KCNJ6: variants seen among roughly 807,000 people sequenced by gnomAD.
The protein encoded by KCNJ6 is potassium inwardly rectifying channel subfamily J member 6, also known as G protein-activated inward rectifier potassium channel 2.
KCNJ6 carries 9 observed loss-of-function variants against 34.2 expected under a neutral mutation model. That is an observed-to-expected ratio of 0.26 (90% CI 0.16 to 0.46). The LOEUF is 0.46. Ranked by LOEUF, KCNJ6 falls within the 20% of genes least tolerant of loss-of-function variation. KCNJ6 has a pLI of 1.00. For synonymous variants in KCNJ6, 196 were observed against 207.1 expected, an observed-to-expected ratio of 0.95 and a Z score of 0.46; for missense variants, 236 against 531.3, an observed-to-expected ratio of 0.44 and a Z score of 5.46.
At chr21:37,891,187 T>C (rs2055760268) in intron 1 of KCNJ6, among the ~76,000 whole-genome samples, 1 of 152,134 alleles carries the variant, frequency 6.6e-6, no homozygotes, top group Admixed American at 6.5e-5. Context: ...CTCTCAGCTG[T>C]GTGCTGGATG....
chr21:37,843,569 A>G (rs1286070115), intron 1 of KCNJ6, among the ~76,000 whole-genome samples: 1 of 152,222 alleles, frequency 6.6e-6, no homozygotes, highest in Non-Finnish European at 1.5e-5. Context: ...GGTCCCAAGC[A>G]AATTCTCCTT....
chr21:37,789,617 G>A (rs2055207731), intron 2 of KCNJ6, among the ~76,000 whole-genome samples: 1 of 152,210 alleles, frequency 6.6e-6, no homozygotes, highest in South Asian at 2.1e-4. Flanking sequence ...AGGATGAAAG[G>A]TTAACTTGTT....
At chr21:37,627,971 T>C (rs1482368118) in intron 3 of KCNJ6, among the ~76,000 whole-genome samples, 2 of 152,186 alleles carry the variant, frequency 1.3e-5, no homozygotes, top group African/African-American at 2.4e-5. Flanking sequence ...AGTGGCCATA[T>C]ACACAAAAAG....
intron 1 of KCNJ6, among the ~76,000 whole-genome samples, chr21:37,860,146 C>G (rs948250417): frequency 2.6e-5 from 4 of 152,164 alleles, no homozygotes; most frequent in Non-Finnish European, 5.9e-5. Context: ...AATCCCAAAC[C>G]CACCTGCTGC....
At chr21:37,843,417 C>A (rs1601497389) in intron 1 of KCNJ6, among the ~76,000 whole-genome samples, 1 of 152,174 alleles carries the variant, frequency 6.6e-6, no homozygotes. Context: ...TGGTGGAAAT[C>A]ATGACATATG....
chr21:37,707,735 G>GTGTGTGTGTGTGT (rs1267356647), intron 3 of KCNJ6, among the ~76,000 whole-genome samples: 22 of 149,678 alleles, frequency 1.5e-4, no homozygotes, highest in Middle Eastern at 3.2e-3. Flanking sequence ...GTGTGTGTGT[G>GTGTGTGTGTGTGT]AATAATTTAC....
chr21:37,625,540 A>G lies in KCNJ6; in HGVS notation c.947-56T>C, dbSNP rs909918769. ...ATGTAAGTGTGGGCTTTCCATGGCC[A>G]AGGAGTCACAGAGAGCCAGGAGGAG... On this transcript the variant is annotated intron_variant, in intron 3 of 3. Coordinates refer to ENST00000609713, the MANE Select transcript of KCNJ6 (RefSeq NM_002240.5). 14 of 1,358,178 alleles carry G rather than the reference A, an allele frequency of 1.0e-5. No homozygotes were observed. In the African/African-American group the frequency reaches 1.6e-4, roughly 15 times the overall value. The allele number at this position is 1,358,178 out of a possible 1,614,324, so 84.1% of individuals were successfully genotyped here.
chr21:37,648,648 T>C (rs2054416659), intron 3 of KCNJ6, among the ~76,000 whole-genome samples: 1 of 152,202 alleles, frequency 6.6e-6, no homozygotes, highest in Non-Finnish European at 1.5e-5. Context: ...TCTCTTGGAA[T>C]AGACAGTCTT....
intron 2 of KCNJ6, among the ~76,000 whole-genome samples, chr21:37,787,573 A>G (rs990408947): frequency 6.6e-6 from 1 of 152,224 alleles, no homozygotes; most frequent in East Asian, 1.9e-4. Flanking sequence ...GGCATATCTG[A>G]GGATGGGTCT....
At chr21:37,743,714 TTC>T (rs2054952464) in intron 2 of KCNJ6, among the ~76,000 whole-genome samples, 1 of 152,058 alleles carries the variant, frequency 6.6e-6, no homozygotes, top group Non-Finnish European at 1.5e-5. Flanking sequence ...AGAAATAAAT[TTC>T]TGTTCATTAT....
chr21:37,759,913 G>T (rs776948868), intron 2 of KCNJ6, among the ~76,000 whole-genome samples: 24 of 152,164 alleles, frequency 1.6e-4, no homozygotes, highest in Non-Finnish European at 3.2e-4. Flanking sequence ...CTGCTGGCTG[G>T]CCTGCTGTCT....
intron 3 of KCNJ6, among the ~76,000 whole-genome samples, chr21:37,646,035 G>A (rs1397864634): frequency 1.3e-5 from 2 of 152,174 alleles, no homozygotes; most frequent in Non-Finnish European, 2.9e-5. Context: ...TATAGAATGT[G>A]AGACAAGCCT....
chr21:37,736,722 A>G (rs954485526), intron 2 of KCNJ6, among the ~76,000 whole-genome samples: 1 of 152,174 alleles, frequency 6.6e-6, no homozygotes, highest in Admixed American at 6.5e-5. Context: ...TGGGCAGCCT[A>G]CATCCCAGCC....
intron 2 of KCNJ6, among the ~76,000 whole-genome samples, chr21:37,807,457 C>T (rs776921072): frequency 6.6e-6 from 1 of 152,224 alleles, no homozygotes; most frequent in Non-Finnish European, 1.5e-5. Flanking sequence ...TTTAAGAACA[C>T]AGTCATGTGT....
At chr21:37,875,222 G>C (rs1278451566) in intron 1 of KCNJ6, among the ~76,000 whole-genome samples, 3 of 152,024 alleles carry the variant, frequency 2.0e-5, no homozygotes, top group Non-Finnish European at 4.4e-5. Flanking sequence ...CAACAAACAG[G>C]CATTATTTTT....
intron 1 of KCNJ6, among the ~76,000 whole-genome samples, chr21:37,845,470 A>T (rs182014785): frequency 1.3e-5 from 2 of 152,216 alleles, no homozygotes; most frequent in Admixed American, 1.3e-4. Context: ...TGGTTTTACC[A>T]CTTCTTATTC....
Position 37,852,144 on chromosome 21 carries a change from T to C in KCNJ6, c.-27-11435A>G, listed in dbSNP as rs543999481. On this transcript the variant is annotated intron_variant, in intron 1 of 3. Coordinates refer to ENST00000609713, the MANE Select transcript of KCNJ6 (RefSeq NM_002240.5). ...GGTGGGGAGCTTTGGCTCCCACTCT[T>C]ATCAGGTGTAATGCTGCACCCAAAC... Among the ~76,000 whole-genome samples, 838 of 152,348 alleles carry C rather than the reference T, an allele frequency of 5.5e-3. 2 individuals are homozygous for C. The highest frequency in any genetic ancestry group is 8.7e-3 in the Non-Finnish European group (591 of 68,028).
intron 2 of KCNJ6, among the ~76,000 whole-genome samples, chr21:37,793,574 GT>G (rs2055227480): frequency 7.3e-6 from 1 of 136,096 alleles, no homozygotes; most frequent in Non-Finnish European, 1.6e-5. Flanking sequence ...AAAAAAAAGA[GT>G]GAGAGCTATC....
chr21:37,691,708 G>A (rs1364899666), intron 3 of KCNJ6, among the ~76,000 whole-genome samples: 1 of 152,158 alleles, frequency 6.6e-6, no homozygotes, highest in African/African-American at 2.4e-5. Flanking sequence ...ATGACAGTGG[G>A]ATATAGTGAG....
Sources: allele counts gnomAD v4.1 joint callset (sites outside exome capture counted in the v4.1 genomes callset), GRCh38; gene constraint gnomAD v4.1.1; transcripts MANE v1.5; gene names NCBI Gene and HGNC (gene_info 2026-07-23, HGNC 2026-07-21).